The following AIMP2 variants were observed in gnomAD, a reference collection of about 807,000 sequenced individuals.
AIMP2 encodes the protein aminoacyl tRNA synthetase complex interacting multifunctional protein 2, also known as aminoacyl tRNA synthase complex-interacting multifunctional protein 2.
Under a neutral mutation model 23.4 loss-of-function variants are expected in AIMP2, and 20 were observed. The observed-to-expected ratio is 0.85, with a 90% CI of 0.60 to 1.24. The LOEUF (loss-of-function observed/expected upper bound fraction) is 1.24, where lower values mean the gene tolerates loss of function less well. Among genes scored for constraint, AIMP2 ranks in the 50% most tolerant of loss-of-function variants. The probability of loss-of-function intolerance (pLI) is 0.00; values close to 1 mark genes in which losing one functional copy is unlikely to be tolerated. For missense variants in AIMP2, 515 were observed against 414.5 expected, an observed-to-expected ratio of 1.24 and a Z score of -2.10; for synonymous variants, 210 against 170.4, an observed-to-expected ratio of 1.23 and a Z score of -1.81.
At chr7:6,013,769 G>A (rs1032579176) in intron 1 of AIMP2, among the ~76,000 whole-genome samples, 1 of 152,026 alleles carries the variant, frequency 6.6e-6, no homozygotes, top group Non-Finnish European at 1.5e-5. Context: ...GCAACATAGC[G>A]CAGTTCTTTG....
At position 6,020,007 on chromosome 7, in the gene AIMP2, C is replaced by T. The variant is rs1322771837; in HGVS notation, c.574+1962C>T. Among the ~76,000 whole-genome samples, 37 of 129,908 alleles carry T rather than the reference C, an allele frequency of 2.8e-4. 1 individual carries two copies. Among genetic ancestry groups the T allele is most frequent in the East Asian group, 4.2e-4 (2 of 4,798 alleles). 85.2% of individuals were successfully genotyped at this position (129,908 alleles called of 152,430 possible). The stretch of plus-strand genomic sequence containing the variant: ...ACTGCATTCCAGCCTGGCGACAGAG[C>T]GAGACTCCATCTCAAAAAAAAAAAA... On this transcript the variant is annotated intron_variant, in intron 3 of 3. Transcript: ENST00000223029.
In AIMP2 at chr7:6,017,991, A is replaced by G. The variant is rs1441116607; in HGVS notation, c.520A>G (p.Lys174Glu). The change falls in exon 3 of 4, where the codon AAA becomes GAA. Residue 174 changes from lysine to glutamate, a missense_variant. Coordinates refer to ENST00000223029, the MANE Select transcript of AIMP2 (RefSeq NM_006303.4). The part of the protein sequence containing the change: ...NLLKCFGEQN[K>E]KQPRQDYQLG... ...TCTCAAGTGCTTTGGAGAACAGAAT[A>G]AAAAACAGCCCCGCCAAGACTATCA... 1.9e-6 allele frequency: 3 copies of G among 1,614,016 alleles called. No individual in the cohort carries two copies. The highest frequency in any genetic ancestry group is 2.2e-5 in the South Asian group (2 of 91,068).
At chr7:6,017,761 C>T (rs1319012689) in intron 2 of AIMP2, 53 bp from the exon 3 acceptor site, 3 of 1,520,888 alleles carry the variant, frequency 2.0e-6, no homozygotes, top group Non-Finnish European at 2.7e-6. Flanking sequence ...GCGCCCGGCA[C>T]AGTGGCACTC....
At chr7:6,021,358 AAGAG>A (rs1176466724) in intron 3 of AIMP2, among the ~76,000 whole-genome samples, 2 of 151,628 alleles carry the variant, frequency 1.3e-5, no homozygotes, top group African/African-American at 4.8e-5. Flanking sequence ...AAAAAAAAAA[AAGAG>A]AACCCTGATT....
In AIMP2 at chr7:6,020,289, C is replaced by G. The variant is rs143649286; in HGVS notation, c.574+2244C>G. Among the ~76,000 whole-genome samples, 886 of 152,048 alleles carry G rather than the reference C, an allele frequency of 5.8e-3. 7 individuals are homozygous for G. The highest frequency in any genetic ancestry group is 0.024 in the South Asian group (116 of 4,816). On this transcript the variant is annotated intron_variant, in intron 3 of 3. Transcript: ENST00000223029. ...CACAAAAATGAGCTCAGCATGGTGA[C>G]CTTCACCTGTAATCCCAGCTACTCA... is the stretch of plus-strand genomic sequence containing the variant.
At position 6,009,430 on chromosome 7, in the gene AIMP2, T is replaced by G. The variant is rs1371935734; in HGVS notation, c.67T>G (p.Cys23Gly). The G allele has an allele frequency of 6.2e-7, 1 of 1,611,314 alleles. No homozygotes were observed. Reference protein sequence around the residue: ...GAPLRVELPTCMYRLPNVHGR... With the variant: ...GAPLRVELPTGMYRLPNVHGR... ...GCCTCTCCGTGTGGAGCTTCCCACCTGCATGTACCGGCTCCCCAACGTGCA... is the reference window on the plus strand; with the variant it reads ...GCCTCTCCGTGTGGAGCTTCCCACCGGCATGTACCGGCTCCCCAACGTGCA... Residue 23 changes from cysteine (C) to glycine (G), a missense_variant, in exon 1 of 4, where the codon TGC becomes GGC. Transcript: ENST00000223029.
At chr7:6,018,658 A>AC (rs1787184721) in intron 3 of AIMP2, among the ~76,000 whole-genome samples, 1 of 151,050 alleles carries the variant, frequency 6.6e-6, no homozygotes, top group Non-Finnish European at 1.5e-5. Context: ...ACATGGTGAA[A>AC]CCCCATCTCT....
At position 6,009,963 on chromosome 7, in the gene AIMP2, A is replaced by G. The variant is rs1328744574; in HGVS notation, c.135+465A>G. Among the ~76,000 whole-genome samples the G allele has an allele frequency of 2.8e-4, 25 of 90,024 alleles. 2 individuals are homozygous for G. The highest frequency in any genetic ancestry group is 1.0e-3 in the African/African-American group (24 of 23,884). 59.1% of individuals were successfully genotyped at this position (90,024 alleles called of 152,430 possible). A position where few individuals can be genotyped will look rare whatever the true frequency, so the allele number is the denominator to read the frequency against. The stretch of plus-strand genomic sequence containing the variant: ...AAACTCTATCTCAAAAAAAAAAAAA[A>G]AAAAAAAAAAAATATATATATATAT... On this transcript the variant is annotated intron_variant, in intron 1 of 3. Coordinates refer to ENST00000223029, the MANE Select transcript of AIMP2 (RefSeq NM_006303.4).
chr7:6,023,343 C>T lies in AIMP2; in HGVS notation c.615C>T (p.Cys205=), dbSNP rs758577601. The T allele has an allele frequency of 3.1e-6, 5 of 1,609,856 alleles. No individual in the cohort carries two copies. The African/African-American group carries it at 5.4e-5, about 17-fold the overall frequency. Residue 205 remains cysteine, a synonymous_variant, in exon 4 of 4, where the codon TGC becomes TGT. Coordinates refer to ENST00000223029, the MANE Select transcript of AIMP2 (RefSeq NM_006303.4). ...TQMKFSIQTM[C]PIEGEGNIAR... is the part of the protein sequence containing the mutation. ...TGAAATTCAGCATCCAGACGATGTG[C>T]CCCATCGAAGGCGAAGGGAACATTG... is the stretch of plus-strand genomic sequence containing the variant.
rs375888796 is a variant in AIMP2 at position 6,023,505 on chromosome 7, G to A, written c.777G>A (p.Met259Ile). The part of the protein sequence containing the change: ...SKEKAAVFRS[M>I]NSALGKSPWL... The stretch of plus-strand genomic sequence containing the variant: ...AAAAAGCCGCTGTTTTCCGCTCCAT[G>A]AACTCTGCTCTTGGGAAGAGCCCTT... Residue 259 changes from methionine to isoleucine, a missense_variant, in exon 4 of 4, where the codon ATG becomes ATA. By Grantham distance (10) the Met-to-Ile change is conservative (BLOSUM62 1). Coordinates refer to ENST00000223029, the MANE Select transcript of AIMP2 (RefSeq NM_006303.4). 1 of 1,614,230 alleles carries A rather than the reference G, an allele frequency of 6.2e-7. No homozygotes were observed. Among genetic ancestry groups the A allele is most frequent in the Non-Finnish European group, 8.5e-7 (1 of 1,180,034 alleles).
rs150073939 is a variant in AIMP2, at chr7:6,023,826, T to C, written c.*135T>C. The C allele has an allele frequency of 4.4e-3, 6,899 of 1,559,934 alleles. 41 individuals are homozygous for C. The highest frequency in any genetic ancestry group is 0.019 in the Middle Eastern group (114 of 5,996). On this transcript the variant is annotated 3_prime_UTR_variant, in exon 4 of 4. Transcript: ENST00000223029. ...TTGTCAAGTGTCAATAAAAGCATCA[T>C]GTAATTTATGGTTTTCATTTTATTT...
chr7:6,011,755 GCA>G (rs1281023554), intron 1 of AIMP2, among the ~76,000 whole-genome samples: 1 of 152,130 alleles, frequency 6.6e-6, no homozygotes, highest in Non-Finnish European at 1.5e-5. Context: ...CCCTCCAACT[GCA>G]CAGTCCCATG....
intron 1 of AIMP2, chr7:6,013,051 G>T: frequency 1.2e-6 from 1 of 834,544 alleles, no homozygotes; most frequent in African/African-American, 1.9e-5. Flanking sequence ...AACAGCACAT[G>T]TGAAGATCTG....
Position 6,023,431 on chromosome 7 carries a change from A to G in AIMP2, c.703A>G (p.Ser235Gly), listed in dbSNP as rs374243514. The G allele has an allele frequency of 4.3e-6, 7 of 1,614,100 alleles. No individual in the cohort carries two copies. The African/African-American group carries it at 6.7e-5, about 15-fold the overall frequency. ...HNAVNATLID[S>G]WVDIAIFQLK... ...TGCTGTCAACGCAACCCTTATAGAT[A>G]GCTGGGTAGATATTGCGATTTTTCA... Residue 235 changes from serine to glycine, a missense_variant, in exon 4 of 4, where the codon AGC (serine) becomes GGC (glycine). By Grantham distance (56) the Ser-to-Gly change is moderately conservative. Transcript: ENST00000223029.
In AIMP2 at chr7:6,009,394, G is replaced by C. The variant is rs1786347539; in HGVS notation, c.31G>C (p.Gly11Arg). The stretch of plus-strand genomic sequence containing the variant: ...GATGTACCAGGTAAAGCCCTATCAC[G>C]GGGGCGGCGCGCCTCTCCGTGTGGA... MPMYQVKPYHGGGAPLRVELP... is the reference protein window; with the variant it reads MPMYQVKPYHRGGAPLRVELP... The change falls in exon 1 of 4, where the codon GGG becomes CGG. Residue 11 changes from glycine to arginine, a missense_variant. Gly to Arg is a moderately radical substitution (Grantham distance 125). Transcript: ENST00000223029. 1.9e-6 allele frequency: 3 copies of C among 1,611,458 alleles called. No homozygotes were observed. The highest frequency in any genetic ancestry group is 1.3e-5 in the African/African-American group (1 of 74,866).
chr7:6,013,410 C>G (rs1330128918), intron 1 of AIMP2, among the ~76,000 whole-genome samples: 1 of 142,890 alleles, frequency 7.0e-6, no homozygotes, highest in Non-Finnish European at 1.6e-5. Context: ...TACAGGCACC[C>G]ACACCACACC....
At chr7:6,020,917 A>G (rs1230847649) in intron 3 of AIMP2, among the ~76,000 whole-genome samples, 4 of 152,182 alleles carry the variant, frequency 2.6e-5, no homozygotes, top group Admixed American at 2.0e-4. Context: ...TAAAACTGCT[A>G]ACACCTGAGA....
Position 6,015,256 on chromosome 7 carries a change from A to G in AIMP2, c.246A>G (p.Thr82=). The G allele has an allele frequency of 1.2e-6, 2 of 1,614,228 alleles. No homozygotes were observed. Among genetic ancestry groups the G allele is most frequent in the South Asian group, 1.1e-5 (1 of 91,092 alleles). The change falls in exon 2 of 4, where the codon ACA becomes ACG. Residue 82 remains threonine, a synonymous_variant. Coordinates refer to ENST00000223029, the MANE Select transcript of AIMP2 (RefSeq NM_006303.4). ...ATGGCCTCTCCAAGATGATTCAAAC[A>G]CCAGATGCAGACTTGGATGTAACCA... ...AVDGLSKMIQ[T]PDADLDVTNI... is the part of the protein sequence containing the mutation.
At chr7:6,012,252 C>G (rs1201576134) in intron 1 of AIMP2, among the ~76,000 whole-genome samples, 1 of 114,018 alleles carries the variant, frequency 8.8e-6, no homozygotes, top group African/African-American at 3.2e-5. Context: ...AACCCTGTCT[C>G]AAAAAAAAAA....
Sources: allele counts gnomAD v4.1 joint callset (sites outside exome capture counted in the v4.1 genomes callset), GRCh38; gene constraint gnomAD v4.1.1; transcripts MANE v1.5; gene names NCBI Gene and HGNC (gene_info 2026-07-23, HGNC 2026-07-21).